CTNNA3: variants seen among roughly 807,000 people sequenced by gnomAD.
The protein encoded by CTNNA3 is catenin alpha-3.
A neutral mutation model predicts 95.7 loss-of-function variants in CTNNA3; 76 were observed. The observed-to-expected ratio is 0.79, with a 90% CI of 0.66 to 0.96. CTNNA3 has a LOEUF of 0.96. Among genes scored for constraint, CTNNA3 ranks in the 40% least tolerant of loss-of-function variants. CTNNA3 has a pLI of 0.00. For missense variants in CTNNA3, 1,191 were observed against 1,089.8 expected (o/e 1.09, Z -1.31); for synonymous variants, 431 against 374.4 (o/e 1.15, Z -1.74).
chr10:66,322,984 T>C (rs1425815285), intron 12 of CTNNA3, among the ~76,000 whole-genome samples: 1 of 151,730 alleles, frequency 6.6e-6, no homozygotes, highest in Non-Finnish European at 1.5e-5. Context: ...ATACTCCTGC[T>C]TGAACTGTGC....
intron 14 of CTNNA3, among the ~76,000 whole-genome samples, chr10:66,094,439 G>T (rs577752789): frequency 6.6e-6 from 1 of 152,028 alleles, no homozygotes; most frequent in Non-Finnish European, 1.5e-5. Flanking sequence ...AATATCACAG[G>T]AGCTTAAGTA....
chr10:66,814,137 G>A (rs1405032773), intron 7 of CTNNA3, among the ~76,000 whole-genome samples: 2 of 151,984 alleles, frequency 1.3e-5, no homozygotes, highest in Admixed American at 1.3e-4. Context: ...GGATATATGG[G>A]GCAAAAGCTC....
intron 7 of CTNNA3, among the ~76,000 whole-genome samples, chr10:66,852,204 G>A (rs1480670798): frequency 6.6e-6 from 1 of 152,020 alleles, no homozygotes; most frequent in Non-Finnish European, 1.5e-5. Context: ...TATGGTACAG[G>A]TACCTTCTAC....
chr10:66,929,955 T>G (rs1054177664), intron 7 of CTNNA3, among the ~76,000 whole-genome samples: 1 of 152,182 alleles, frequency 6.6e-6, no homozygotes, highest in African/African-American at 2.4e-5. Flanking sequence ...GCTGTTTCAT[T>G]TAATTTGGCT....
chr10:66,662,040 G>C (rs1420447946), intron 9 of CTNNA3, among the ~76,000 whole-genome samples: 1 of 152,154 alleles, frequency 6.6e-6, no homozygotes, highest in Non-Finnish European at 1.5e-5. Flanking sequence ...GATGCCGCAA[G>C]TGACCTCTAC....
At chr10:66,690,514 C>T (rs1847483528) in intron 9 of CTNNA3, among the ~76,000 whole-genome samples, 1 of 150,390 alleles carries the variant, frequency 6.6e-6, no homozygotes, top group South Asian at 2.1e-4. Flanking sequence ...TGTGATGTTC[C>T]CCTTCCTGTG....
At chr10:67,085,321 G>T (rs371917680) in intron 7 of CTNNA3, among the ~76,000 whole-genome samples, 3 of 150,868 alleles carry the variant, frequency 2.0e-5, no homozygotes, top group African/African-American at 7.3e-5. Flanking sequence ...AGAAACAAAA[G>T]AAATACTACA....
At chr10:67,146,809 G>C (rs1246540101) in intron 7 of CTNNA3, among the ~76,000 whole-genome samples, 2 of 152,078 alleles carry the variant, frequency 1.3e-5, no homozygotes, top group Non-Finnish European at 2.9e-5. Context: ...GTCAACAATG[G>C]ACCACATATA....
At chr10:67,291,028 G>C (rs571046331) in intron 5 of CTNNA3, among the ~76,000 whole-genome samples, 1 of 152,128 alleles carries the variant, frequency 6.6e-6, no homozygotes, top group South Asian at 2.1e-4. Context: ...AAAACATAAG[G>C]TTGAAAGGAT....
At chr10:66,506,414 G>T (rs986456430) in intron 11 of CTNNA3, among the ~76,000 whole-genome samples, 1 of 149,782 alleles carries the variant, frequency 6.7e-6, no homozygotes, top group Non-Finnish European at 1.5e-5. Context: ...CCAACTTGCT[G>T]TCCCTCAAAC....
At chr10:66,474,258 T>C (rs996307553) in intron 11 of CTNNA3, among the ~76,000 whole-genome samples, 2 of 152,088 alleles carry the variant, frequency 1.3e-5, no homozygotes, top group Non-Finnish European at 2.9e-5. Flanking sequence ...AAACACTATG[T>C]CTATGAGATC....
chr10:66,388,332 T>C (rs960005470), intron 11 of CTNNA3, among the ~76,000 whole-genome samples: 1 of 152,076 alleles, frequency 6.6e-6, no homozygotes, highest in Non-Finnish European at 1.5e-5. Flanking sequence ...TTCTCTTTAA[T>C]TAAAGATGAA....
intron 1 of CTNNA3, among the ~76,000 whole-genome samples, chr10:67,688,289 T>G (rs1840773343): frequency 6.6e-6 from 1 of 152,088 alleles, no homozygotes; most frequent in African/African-American, 2.4e-5. Context: ...GGGGTTTTTG[T>G]GGTCCTTTGG....
At chr10:67,710,113 G>A (rs1841099316) in intron 1 of CTNNA3, among the ~76,000 whole-genome samples, 1 of 152,064 alleles carries the variant, frequency 6.6e-6, no homozygotes, top group Admixed American at 6.5e-5. Context: ...AAAAGGATAG[G>A]AAGAAAGGGA....
chr10:67,509,810 A>T (rs1054243985), intron 5 of CTNNA3, among the ~76,000 whole-genome samples: 4 of 152,184 alleles, frequency 2.6e-5, no homozygotes, highest in Admixed American at 6.5e-5. Context: ...TCCCACCAAC[A>T]GTGTAAAAGC....
intron 5 of CTNNA3, among the ~76,000 whole-genome samples, chr10:67,386,556 G>A (rs1257713506): frequency 6.6e-6 from 1 of 151,588 alleles, no homozygotes; most frequent in Non-Finnish European, 1.5e-5. Context: ...AACATCAGCA[G>A]AAAAAAAGAC....
chr10:67,581,156 T>C (rs1842379378), intron 3 of CTNNA3, among the ~76,000 whole-genome samples: 1 of 152,186 alleles, frequency 6.6e-6, no homozygotes, highest in Non-Finnish European at 1.5e-5. Flanking sequence ...AGGGAATGCT[T>C]CCGGTTTTCG....
intron 12 of CTNNA3, among the ~76,000 whole-genome samples, chr10:66,376,357 G>A (rs1181974912): frequency 6.6e-6 from 1 of 152,108 alleles, no homozygotes; most frequent in Non-Finnish European, 1.5e-5. Context: ...TTCACATGAA[G>A]ATTACAATAT....
chr10:67,237,122 G>GTATATATATATA lies in CTNNA3; in HGVS notation c.580-17253_580-17252insTATATATATATA, dbSNP rs769498914. Among the ~76,000 whole-genome samples the GTATATATATATA allele has an allele frequency of 7.4e-4, 59 of 79,624 alleles. 13 individuals carry two copies. Among genetic ancestry groups the GTATATATATATA allele is most frequent in the Non-Finnish European group, 1.2e-3 (43 of 34,812 alleles). 52.2% of individuals were successfully genotyped at this position (79,624 alleles called of 152,430 possible). A position where few individuals can be genotyped will look rare whatever the true frequency, so the allele number is the denominator to read the frequency against. On this transcript the variant is annotated intron_variant, in intron 5 of 17. Transcript: ENST00000433211. ...AATGAGTGGATAAAGAAACTATGGTGTATGTATATATATATATATATATAT... is the reference window on the plus strand; with the variant it reads ...AATGAGTGGATAAAGAAACTATGGTGTATATATATATATATGTATATATATATATATATATAT...
Sources: allele counts gnomAD v4.1 joint callset (sites outside exome capture counted in the v4.1 genomes callset), GRCh38; gene constraint gnomAD v4.1.1; transcripts MANE v1.5; gene names NCBI Gene and HGNC (gene_info 2026-07-23, HGNC 2026-07-21).